FNIP2: variants seen among roughly 807,000 people sequenced by gnomAD.
The protein encoded by FNIP2 is folliculin-interacting protein 2.
Under a neutral mutation model 108.7 loss-of-function variants are expected in FNIP2, and 32 were observed. That is an observed-to-expected ratio of 0.29 (90% CI 0.22 to 0.40). The LOEUF is 0.40. Among genes scored for constraint, FNIP2 ranks in the 10% least tolerant of loss-of-function variants. The pLI, the probability that FNIP2 is intolerant of heterozygous loss-of-function variation, is 1.00. For missense variants in FNIP2, 1,202 were observed against 1,381.6 expected (o/e 0.87, Z 2.06); for synonymous variants, 480 against 496.7 (o/e 0.97, Z 0.45).
At chr4:158,811,182 C>T (rs1180772270) in intron 1 of FNIP2, among the ~76,000 whole-genome samples, 1 of 152,148 alleles carries the variant, frequency 6.6e-6, no homozygotes, top group Non-Finnish European at 1.5e-5. Context: ...ATTTAGGTAT[C>T]AGGTGTACAC....
At chr4:158,854,833 C>G (rs1490604758) in intron 8 of FNIP2, among the ~76,000 whole-genome samples, 1 of 152,126 alleles carries the variant, frequency 6.6e-6, no homozygotes, top group Non-Finnish European at 1.5e-5. Flanking sequence ...ATTCCTTCCT[C>G]CCAGGTAGAG....
chr4:158,862,048 TTTC>T (rs1780330530), intron 12 of FNIP2, among the ~76,000 whole-genome samples: 1 of 152,158 alleles, frequency 6.6e-6, no homozygotes. Context: ...TAGAGCAGGA[TTTC>T]TTAACCTCAG....
At chr4:158,845,137 A>G (rs531823434) in intron 7 of FNIP2, among the ~76,000 whole-genome samples, 3 of 152,362 alleles carry the variant, frequency 2.0e-5, no homozygotes, top group African/African-American at 7.2e-5. Context: ...TTCTAATTAT[A>G]AAAGTATTGT....
At chr4:158,786,377 C>T (rs1004954017) in intron 1 of FNIP2, among the ~76,000 whole-genome samples, 1 of 152,146 alleles carries the variant, frequency 6.6e-6, no homozygotes, top group Non-Finnish European at 1.5e-5. Context: ...TGTACTAATG[C>T]AGTTCATATA....
rs1019491007 is a variant in FNIP2, at chr4:158,847,307, C to G, written c.728-4014C>G. Reference sequence around the variant, plus strand: ...AATGCTTGTGCCACCAATCTCCCAACCCCAGGCAGTGTAGTTCGTAGCTCC... The same window carrying G: ...AATGCTTGTGCCACCAATCTCCCAAGCCCAGGCAGTGTAGTTCGTAGCTCC... On this transcript the variant is annotated intron_variant, in intron 7 of 16. Transcript: ENST00000264433. 5.9e-5 allele frequency among the ~76,000 whole-genome samples: 9 copies of G among 152,156 alleles called. No individual in the cohort carries two copies. The South Asian group carries it at 8.3e-4, about 14-fold the overall frequency.
intron 12 of FNIP2, among the ~76,000 whole-genome samples, chr4:158,866,807 C>A (rs1780609875): frequency 6.6e-6 from 1 of 152,106 alleles, no homozygotes; most frequent in Non-Finnish European, 1.5e-5. Context: ...AAACTCCTGA[C>A]CTCAGGTCAT....
chr4:158,885,018 T>C (rs796103594), intron 14 of FNIP2, among the ~76,000 whole-genome samples: 5 of 147,954 alleles, frequency 3.4e-5, no homozygotes, highest in African/African-American at 1.2e-4. Context: ...TAGCTGGGCA[T>C]GGTGGTGTGT....
chr4:158,827,214 G>A (rs947897401), intron 2 of FNIP2, among the ~76,000 whole-genome samples: 2 of 152,192 alleles, frequency 1.3e-5, no homozygotes, highest in African/African-American at 2.4e-5. Flanking sequence ...CAGAAATTTA[G>A]GTGAGCCAGC....
intron 14 of FNIP2, among the ~76,000 whole-genome samples, chr4:158,885,155 C>CA (rs1346610163): frequency 3.2e-4 from 48 of 151,492 alleles, no homozygotes; most frequent in Non-Finnish European, 4.9e-4. Context: ...GATTCTGTCT[C>CA]AAAAAAAATA....
chr4:158,809,350 T>C (rs1777144634), intron 1 of FNIP2, among the ~76,000 whole-genome samples: 1 of 152,168 alleles, frequency 6.6e-6, no homozygotes, highest in African/African-American at 2.4e-5. Flanking sequence ...TCCCAGCTAC[T>C]TGGGATGCTG....
chr4:158,831,840 AT>A lies in FNIP2; in HGVS notation c.382-17del. ...TGTCATGTTCCATGTACTAACTTTGATTTTGTTTTCTTGCATGTAGTACACA... is the reference window on the plus strand; with the variant it reads ...TGTCATGTTCCATGTACTAACTTTGATTTGTTTTCTTGCATGTAGTACACA... On this transcript the variant is annotated intron_variant, in intron 3 of 16. Transcript: ENST00000264433. The A allele has an allele frequency of 1.3e-6, 2 of 1,547,648 alleles. No homozygotes were observed. Among genetic ancestry groups the A allele is most frequent in the Non-Finnish European group, 8.9e-7 (1 of 1,125,078 alleles).
intron 1 of FNIP2, among the ~76,000 whole-genome samples, chr4:158,822,391 C>G (rs914471498): frequency 1.3e-5 from 2 of 152,002 alleles, no homozygotes; most frequent in African/African-American, 4.8e-5. Context: ...ACCCTGTTGC[C>G]CACAAACGCC....
chr4:158,901,800 T>C (rs1729309026), intron 16 of FNIP2, among the ~76,000 whole-genome samples: 1 of 151,866 alleles, frequency 6.6e-6, no homozygotes, highest in South Asian at 2.1e-4. Flanking sequence ...TTGTGTATGC[T>C]TCATGAAGTT....
intron 16 of FNIP2, among the ~76,000 whole-genome samples, chr4:158,902,621 TG>T (rs1018005048): frequency 2.0e-5 from 3 of 152,208 alleles, no homozygotes; most frequent in Admixed American, 1.3e-4. Flanking sequence ...CCCAAAGAGA[TG>T]GGGGTTTTAT....
chr4:158,829,518 A>G (rs963654161), intron 3 of FNIP2, among the ~76,000 whole-genome samples: 4 of 152,370 alleles, frequency 2.6e-5, no homozygotes, highest in South Asian at 2.1e-4. Context: ...CTGATCCAGA[A>G]TAATAAACAT....
intron 14 of FNIP2, chr4:158,871,742 A>G (rs1780960792): frequency 1.0e-6 from 1 of 984,578 alleles, no homozygotes; most frequent in African/African-American, 1.7e-5. Context: ...TGTCCCTATA[A>G]TATCATAATT....
At chr4:158,871,953 C>G in intron 14 of FNIP2, 5 of 984,604 alleles carry the variant, frequency 5.1e-6, no homozygotes, top group Non-Finnish European at 6.0e-6. Flanking sequence ...ATTAAGGCAC[C>G]TTTTCTGTCC....
chr4:158,822,872 C>T (rs1041308977), intron 1 of FNIP2, among the ~76,000 whole-genome samples: 30 of 152,248 alleles, frequency 2.0e-4, no homozygotes, highest in African/African-American at 7.0e-4. Context: ...TACTTTTCCC[C>T]TCTGTGTCTT....
rs1198053773 is a variant in FNIP2 at position 158,795,616 on chromosome 4, G to A, written c.107+26297G>A. Among the ~76,000 whole-genome samples, 4 of 152,208 alleles carry A rather than the reference G, an allele frequency of 2.6e-5. No homozygotes were observed. The East Asian group carries it at 7.7e-4, about 29-fold the overall frequency. The stretch of plus-strand genomic sequence containing the variant: ...TTACGGGAATTGTGCATGGCTTGCA[G>A]GTATTCTTCCCTAAACCAGGGGTCC... On this transcript the variant is annotated intron_variant, in intron 1 of 16. Transcript: ENST00000264433.
Sources: gnomAD v4.1 joint callset for allele counts (sites outside exome capture counted in the v4.1 genomes callset) on GRCh38, gnomAD v4.1.1 for gene constraint, MANE v1.5 for transcripts, NCBI Gene and HGNC (gene_info 2026-07-23, HGNC 2026-07-21) for gene names.